SEL1L: variants seen among roughly 807,000 people sequenced by gnomAD.
The protein encoded by SEL1L is protein sel-1 homolog 1.
A neutral mutation model predicts 109.8 loss-of-function variants in SEL1L; 52 were observed. The ratio of observed to expected loss-of-function variants is 0.47; its 90% CI spans 0.38 to 0.60. The LOEUF (loss-of-function observed/expected upper bound fraction) is 0.60, where lower values mean the gene tolerates loss of function less well. Ranked by LOEUF, SEL1L falls within the 20% of genes least tolerant of loss-of-function variation. The probability of loss-of-function intolerance (pLI) is 0.00; values close to 1 mark genes in which losing one functional copy is unlikely to be tolerated. For synonymous variants in SEL1L, 373 were observed against 339.6 expected (o/e 1.10, Z -1.08); for missense variants, 749 against 962.2 (o/e 0.78, Z 2.93).
At chr14:81,504,729 G>A (rs985489723) in intron 4 of SEL1L, among the ~76,000 whole-genome samples, 5 of 151,938 alleles carry the variant, frequency 3.3e-5, no homozygotes, top group South Asian at 2.1e-4. Flanking sequence ...GGTGAGAGGC[G>A]ACTAGATCAT....
At chr14:81,526,664 T>C (rs1487642108) in intron 3 of SEL1L, 69 bp downstream of exon 3, 5 of 1,149,814 alleles carry the variant, frequency 4.3e-6, no homozygotes, top group South Asian at 1.3e-5. Context: ...TCAGCCTCTT[T>C]ATTCATTAGC....
At position 81,527,718 on chromosome 14, in the gene SEL1L, C is replaced by T. The variant is rs1885167192; in HGVS notation, c.91G>A (p.Glu31Lys). The T allele has an allele frequency of 6.2e-7, 1 of 1,603,462 alleles. No individual in the cohort carries two copies. Among genetic ancestry groups the T allele is most frequent in the South Asian group, 1.1e-5 (1 of 88,496 alleles). The change falls in exon 2 of 21, where the codon GAA becomes AAA. Residue 31 changes from glutamate (E) to lysine (K), a missense_variant. Transcript: ENST00000336735. ...ASSDEEGSQD[E>K]SLDSKTTLTS... ...GTACATACCTTGGAATCTAAGGATT[C>T]ATCCTGGCTGCCTTCTTCATCTGCA... is the stretch of plus-strand genomic sequence containing the variant.
chr14:81,510,778 A>C (rs1436901350), intron 3 of SEL1L, among the ~76,000 whole-genome samples: 1 of 152,148 alleles, frequency 6.6e-6, no homozygotes, highest in Non-Finnish European at 1.5e-5. Flanking sequence ...CATATGAATC[A>C]AATATACCTG....
intron 13 of SEL1L, 22 bp from the exon 14 acceptor site, chr14:81,489,336 C>A (rs1288875875): frequency 6.2e-7 from 1 of 1,602,154 alleles, no homozygotes; most frequent in East Asian, 2.2e-5. Flanking sequence ...AGAAATCAGA[C>A]AAAAGAGTGA....
intron 20 of SEL1L, 51 bp from the exon 21 acceptor site, chr14:81,477,232 G>A (rs1903190698): frequency 6.9e-7 from 1 of 1,455,230 alleles, no homozygotes; most frequent in African/African-American, 1.4e-5. Context: ...TGTCAGGCAA[G>A]GAACTGGGAA....
chr14:81,500,569 T>C (rs1390226669), intron 6 of SEL1L, among the ~76,000 whole-genome samples: 1 of 152,148 alleles, frequency 6.6e-6, no homozygotes, highest in Non-Finnish European at 1.5e-5. Context: ...AAAGTTTAGC[T>C]TGAGGACAAT....
chr14:81,525,987 T>C (rs1466322111), intron 3 of SEL1L, among the ~76,000 whole-genome samples: 2 of 152,190 alleles, frequency 1.3e-5, no homozygotes, highest in Admixed American at 1.3e-4. Flanking sequence ...TAGTTTTCTA[T>C]TCATGAGAAT....
intron 3 of SEL1L, among the ~76,000 whole-genome samples, chr14:81,524,005 A>G (rs1241206353): frequency 6.6e-6 from 1 of 152,238 alleles, no homozygotes; most frequent in Admixed American, 6.5e-5. Flanking sequence ...TGGGCACCAA[A>G]TTTTCATTTC....
chr14:81,489,069 A>G (rs1457554875), intron 14 of SEL1L, 183 bp downstream of exon 14: 6 of 645,938 alleles, frequency 9.3e-6, no homozygotes, highest in Non-Finnish European at 1.7e-5. Flanking sequence ...GTTCTAAGAC[A>G]GTTGAGATGG....
At chr14:81,498,722 C>T in intron 8 of SEL1L, 1 of 376,820 alleles carries the variant, frequency 2.7e-6, no homozygotes, top group Non-Finnish European at 4.7e-6. Flanking sequence ...CTAGAGCAAT[C>T]AAAATAGATG....
intron 6 of SEL1L, among the ~76,000 whole-genome samples, chr14:81,500,761 A>G (rs1369566273): frequency 6.7e-6 from 1 of 148,698 alleles, no homozygotes; most frequent in African/African-American, 2.6e-5. Flanking sequence ...CTCAGATATA[A>G]AAAGGAGGAG....
chr14:81,515,171 G>T (rs1036176723), intron 3 of SEL1L, among the ~76,000 whole-genome samples: 4 of 152,108 alleles, frequency 2.6e-5, no homozygotes, highest in African/African-American at 7.2e-5. Context: ...ACAGGCTATT[G>T]GTTATGTCCC....
intron 3 of SEL1L, among the ~76,000 whole-genome samples, chr14:81,523,421 T>C (rs962931773): frequency 3.9e-5 from 6 of 152,232 alleles, no homozygotes; most frequent in South Asian, 2.1e-4. Context: ...AGAGTGGGCA[T>C]GGAAGCTCTG....
At chr14:81,500,361 G>A (rs1161951463) in intron 6 of SEL1L, among the ~76,000 whole-genome samples, 1 of 152,014 alleles carries the variant, frequency 6.6e-6, no homozygotes, top group African/African-American at 2.4e-5. Context: ...AGCCTCCCGA[G>A]TAGTTGGGAT....
At position 81,475,811 on chromosome 14, in the gene SEL1L, C is replaced by T. The variant is rs1903142071; in HGVS notation, c.*1161G>A. On this transcript the variant is annotated 3_prime_UTR_variant, in exon 21 of 21. Transcript: ENST00000336735. ...GGTGACTATGATAGCTAAGCAGTGGCTGGCTTTCTATTATAATATAAAACT... is the reference window on the plus strand; with the variant it reads ...GGTGACTATGATAGCTAAGCAGTGGTTGGCTTTCTATTATAATATAAAACT... The T allele has an allele frequency of 6.6e-6, 1 of 152,120 alleles. No homozygotes were observed. The highest frequency in any genetic ancestry group is 1.5e-5 in the Non-Finnish European group (1 of 68,032). 9.4% of individuals were successfully genotyped at this position (152,120 alleles called of 1,614,324 possible).
intron 20 of SEL1L, among the ~76,000 whole-genome samples, chr14:81,478,539 TGAAAGA>T (rs1903242589): frequency 1.3e-5 from 2 of 152,220 alleles, no homozygotes; most frequent in African/African-American, 4.8e-5. Context: ...GAAATGGTAC[TGAAAGA>T]GAAAGAGGAG....
rs1266808943 is a variant in SEL1L, at chr14:81,506,069, C to T, written c.508+5G>A. On this transcript the variant is annotated splice_donor_5th_base_variant and intron_variant, in intron 4 of 20. Transcript: ENST00000336735. ...CAGATCTGCCTCCTACTGAGCAATA[C>T]TTACTTTCACAAAAGCCCCACTTTT... 6.2e-7 allele frequency: 1 copy of T among 1,613,140 alleles called. No individual in the cohort carries two copies. Among genetic ancestry groups the T allele is most frequent in the African/African-American group, 1.3e-5 (1 of 74,880 alleles).
intron 3 of SEL1L, among the ~76,000 whole-genome samples, chr14:81,519,464 A>G (rs557676370): frequency 6.6e-6 from 1 of 152,208 alleles, no homozygotes; most frequent in South Asian, 2.1e-4. Flanking sequence ...TATTCAAGAA[A>G]TAGCAAGAGG....
chr14:81,475,405 A>G lies in SEL1L; in HGVS notation c.*1567T>C, dbSNP rs1483802636. ...TACAACTTCATATATAAAAGCCTTCATGTTCATTATAGACTAGTTAAATCT... is the reference window on the plus strand; with the variant it reads ...TACAACTTCATATATAAAAGCCTTCGTGTTCATTATAGACTAGTTAAATCT... On this transcript the variant is annotated 3_prime_UTR_variant, in exon 21 of 21. Transcript: ENST00000336735. 2 of 152,660 alleles carry G rather than the reference A, an allele frequency of 1.3e-5. No homozygotes were observed. Among genetic ancestry groups the G allele is most frequent in the Admixed American group, 6.5e-5 (1 of 15,284 alleles). The allele number at this position is 152,660 out of a possible 1,614,324, so 9.5% of individuals were successfully genotyped here.
Sources: gnomAD v4.1 joint callset for allele counts (sites outside exome capture counted in the v4.1 genomes callset) on GRCh38, gnomAD v4.1.1 for gene constraint, MANE v1.5 for transcripts, NCBI Gene and HGNC (gene_info 2026-07-23, HGNC 2026-07-21) for gene names.